Variants in ABCC4 observed in about 807,000 individuals in gnomAD.
The protein encoded by ABCC4 is ATP-binding cassette sub-family C member 4.
Under a neutral mutation model 168.5 loss-of-function variants are expected in ABCC4, and 102 were observed. The observed-to-expected ratio is 0.61, with a 90% confidence interval of 0.52 to 0.71. ABCC4 has a LOEUF of 0.71. ABCC4 is among the 30% of genes least tolerant of loss of function. The probability of loss-of-function intolerance (pLI) is 0.00; values close to 1 mark genes in which losing one functional copy is unlikely to be tolerated. For synonymous variants in ABCC4, 617 were observed against 590.7 expected (o/e 1.04, Z -0.65); for missense variants, 1,402 against 1,605.8 (o/e 0.87, Z 2.17).
chr13:95,035,009 T>C (rs1446805151), intron 29 of ABCC4, among the ~76,000 whole-genome samples: 2 of 152,234 alleles, frequency 1.3e-5, no homozygotes, highest in Non-Finnish European at 2.9e-5. Context: ...GCATTTTATA[T>C]TCTGCCAAAG....
rs992589414 is a variant in ABCC4 at position 95,210,119 on chromosome 13, C to T, written c.622-522G>A. 2.0e-5 allele frequency among the ~76,000 whole-genome samples: 3 copies of T among 152,324 alleles called. No individual in the cohort carries two copies. The East Asian group carries it at 5.8e-4, about 29-fold the overall frequency. On this transcript the variant is annotated intron_variant, in intron 5 of 30. Coordinates refer to ENST00000645237, the MANE Select transcript of ABCC4 (RefSeq NM_005845.5). ...TTGGAAAAAAGAAGTGGTCCTAGTGCAAAATGAATATGGCCAGCAGCTAGA... is the reference window on the plus strand; with the variant it reads ...TTGGAAAAAAGAAGTGGTCCTAGTGTAAAATGAATATGGCCAGCAGCTAGA...
At chr13:95,157,761 C>T (rs1027390836) in intron 19 of ABCC4, among the ~76,000 whole-genome samples, 1 of 152,104 alleles carries the variant, frequency 6.6e-6, no homozygotes, top group Admixed American at 6.5e-5. Flanking sequence ...GTTGGAGAAG[C>T]GTGGCCTTCC....
At chr13:95,171,266 T>C (rs1278090772) in intron 13 of ABCC4, among the ~76,000 whole-genome samples, 1 of 151,970 alleles carries the variant, frequency 6.6e-6, no homozygotes, top group Non-Finnish European at 1.5e-5. Context: ...ATCCAAACAG[T>C]CCAAACCATA....
chr13:95,250,753 GTTTCTTTTTT>G (rs2040232225), intron 1 of ABCC4, among the ~76,000 whole-genome samples: 1 of 114,238 alleles, frequency 8.8e-6, no homozygotes, highest in Non-Finnish European at 1.7e-5. Context: ...CTGAATACTG[GTTTCTTTTTT>G]TTTTTTTTTT....
intron 19 of ABCC4, among the ~76,000 whole-genome samples, chr13:95,134,984 G>C (rs1339588363): frequency 6.6e-6 from 1 of 151,964 alleles, no homozygotes; most frequent in Non-Finnish European, 1.5e-5. Flanking sequence ...GTCCACAGAG[G>C]TTCATGCCAT....
chr13:95,273,660 C>T (rs1243955597), intron 1 of ABCC4, among the ~76,000 whole-genome samples: 3 of 143,220 alleles, frequency 2.1e-5, no homozygotes, highest in Non-Finnish European at 3.0e-5. Flanking sequence ...GGCTCTGTGT[C>T]CCCACCCAAA....
intron 4 of ABCC4, among the ~76,000 whole-genome samples, chr13:95,228,638 C>T (rs974911263): frequency 2.0e-5 from 3 of 151,772 alleles, no homozygotes; most frequent in Non-Finnish European, 4.4e-5. Context: ...CACCACCATG[C>T]CTGTAATCCC....
At chr13:95,265,680 C>T (rs2040651040) in intron 1 of ABCC4, among the ~76,000 whole-genome samples, 1 of 152,038 alleles carries the variant, frequency 6.6e-6, no homozygotes, top group Non-Finnish European at 1.5e-5. Context: ...CACCCAGACA[C>T]AGAACTCAGA....
Position 95,282,822 on chromosome 13 carries a change from C to T in ABCC4, c.74+18419G>A, listed in dbSNP as rs569079143. The stretch of plus-strand genomic sequence containing the variant: ...TGCTGGGATTACAGGTGTGAGCCAC[C>T]GTGTCCAGCCTAAAGTATGTTAAAT... On this transcript the variant is annotated intron_variant, in intron 1 of 30. Transcript: ENST00000645237. Among the ~76,000 whole-genome samples, 8 of 151,948 alleles carry T rather than the reference C, an allele frequency of 5.3e-5. No homozygotes were observed. The South Asian group carries it at 1.7e-3, about 32-fold the overall frequency.
At chr13:95,137,177 T>C (rs574478568) in intron 19 of ABCC4, among the ~76,000 whole-genome samples, 2 of 152,320 alleles carry the variant, frequency 1.3e-5, no homozygotes, top group African/African-American at 2.4e-5. Flanking sequence ...AAATGTCTAT[T>C]GGCCGCTTTC....
intron 8 of ABCC4, among the ~76,000 whole-genome samples, chr13:95,203,600 C>T (rs1357564518): frequency 2.0e-5 from 3 of 152,010 alleles, no homozygotes; most frequent in African/African-American, 4.8e-5. Context: ...TCAAGTGATC[C>T]GCTCACCTCG....
At chr13:95,096,106 G>T in intron 20 of ABCC4, 1 of 564,134 alleles carries the variant, frequency 1.8e-6, no homozygotes, top group Non-Finnish European at 3.1e-6. Flanking sequence ...ACTGAGGTTT[G>T]CTTGAGGAGG....
chr13:95,188,509 A>T lies in ABCC4; in HGVS notation c.1297T>A (p.Phe433Ile). 1 of 1,614,174 alleles carries T rather than the reference A, an allele frequency of 6.2e-7. No individual in the cohort carries two copies. The highest frequency in any genetic ancestry group is 8.5e-7 in the Non-Finnish European group (1 of 1,179,998). ...SETPTLQGLS[F>I]TVRPGELLAV... ...AACAATTCGCCAGGTCTGACAGTAA[A>T]GGAAAGGCCTTGTAGAGTTGGGGTC... Residue 433 changes from phenylalanine (F) to isoleucine (I), a missense_variant, in exon 10 of 31, where the codon TTT (phenylalanine) becomes ATT (isoleucine). By Grantham distance (21) the Phe-to-Ile change is conservative. Around this residue, in one of 3 missense-constraint regions of ABCC4, gnomAD observed 1,007 missense variants for 1,127.3 expected, o/e 0.89. Coordinates refer to ENST00000645237, the MANE Select transcript of ABCC4 (RefSeq NM_005845.5).
chr13:95,090,725 T>C (rs537076167), intron 20 of ABCC4, among the ~76,000 whole-genome samples: 12 of 152,280 alleles, frequency 7.9e-5, no homozygotes, highest in Admixed American at 5.9e-4. Context: ...TAAGGCTCTT[T>C]ACCAGCCTCA....
At chr13:95,049,286 A>C (rs2032724335) in intron 27 of ABCC4, among the ~76,000 whole-genome samples, 1 of 151,636 alleles carries the variant, frequency 6.6e-6, no homozygotes, top group African/African-American at 2.4e-5. Context: ...GTGAGCTGAG[A>C]TTGCACCACT....
intron 1 of ABCC4, among the ~76,000 whole-genome samples, chr13:95,284,067 T>G (rs534361985): frequency 6.7e-6 from 1 of 149,450 alleles, no homozygotes; most frequent in East Asian, 2.0e-4. Flanking sequence ...CCGAGCGTGG[T>G]GGCATGTGTC....
chr13:95,119,440 G>C (rs772192499), intron 19 of ABCC4, among the ~76,000 whole-genome samples: 2 of 152,214 alleles, frequency 1.3e-5, no homozygotes, highest in Non-Finnish European at 2.9e-5. Context: ...CTCTGAGAGA[G>C]AGAGAGAGAG....
chr13:95,180,630 G>A (rs1238613405), intron 11 of ABCC4, among the ~76,000 whole-genome samples: 2 of 152,016 alleles, frequency 1.3e-5, no homozygotes, highest in East Asian at 1.9e-4. Context: ...ACCATTTTAA[G>A]ACAGGGTCCC....
intron 19 of ABCC4, among the ~76,000 whole-genome samples, chr13:95,133,485 T>C (rs1399400102): frequency 6.6e-6 from 1 of 152,146 alleles, no homozygotes; most frequent in Admixed American, 6.5e-5. Flanking sequence ...ATCACATGCA[T>C]CCATTCCTGG....
Sources: allele counts gnomAD v4.1 joint callset (sites outside exome capture counted in the v4.1 genomes callset), GRCh38; gene constraint gnomAD v4.1.1; regional missense constraint gnomAD v4.1.1; transcripts MANE v1.5; gene names NCBI Gene and HGNC (gene_info 2026-07-23, HGNC 2026-07-21).